The following SETBP1 variants were observed in gnomAD, a reference collection of about 807,000 sequenced individuals.
The protein encoded by SETBP1 is SET binding protein 1, also known as SET-binding protein.
In SETBP1, 9 loss-of-function variants were observed where a neutral mutation model predicts 101.0. The ratio of observed to expected loss-of-function variants is 0.09; its 90% confidence interval spans 0.05 to 0.16. SETBP1 has a LOEUF of 0.16. SETBP1 is among the 10% of genes least tolerant of loss of function. The pLI is 1.00. For synonymous variants in SETBP1, 818 were observed against 788.5 expected (o/e 1.04, Z -0.63); for missense variants, 1,858 against 2,033.8 (o/e 0.91, Z 1.66).
chr18:44,812,414 A>T (rs1271140050), intron 2 of SETBP1, among the ~76,000 whole-genome samples: 1 of 152,222 alleles, frequency 6.6e-6, no homozygotes, highest in Non-Finnish European at 1.5e-5. Context: ...TCCTCTAGAA[A>T]ATAGTGTCAG....
intron 2 of SETBP1, among the ~76,000 whole-genome samples, chr18:44,785,156 C>G (rs757799542): frequency 6.6e-6 from 1 of 152,138 alleles, no homozygotes. Context: ...AAATACACAT[C>G]ATGTACACAC....
intron 2 of SETBP1, among the ~76,000 whole-genome samples, chr18:44,796,617 G>C (rs1024960517): frequency 6.6e-6 from 1 of 152,166 alleles, no homozygotes; most frequent in African/African-American, 2.4e-5. Context: ...ATAGTCTGAG[G>C]CCCAGGGAGT....
At chr18:44,692,518 C>G (rs2068951073) in intron 1 of SETBP1, among the ~76,000 whole-genome samples, 1 of 152,190 alleles carries the variant, frequency 6.6e-6, no homozygotes. Flanking sequence ...ATGCTTCCAG[C>G]TGTGCAGAGA....
intron 5 of SETBP1, among the ~76,000 whole-genome samples, chr18:45,059,987 G>A (rs993152809): frequency 1.3e-5 from 2 of 152,258 alleles, no homozygotes; most frequent in East Asian, 3.9e-4. Context: ...AGTTCAAGAT[G>A]TACGTGTGTT....
At chr18:45,039,072 G>A (rs2073457607) in intron 5 of SETBP1, among the ~76,000 whole-genome samples, 1 of 152,122 alleles carries the variant, frequency 6.6e-6, no homozygotes, top group South Asian at 2.1e-4. Context: ...CCTGCCCCAA[G>A]AACCTGTGGA....
intron 4 of SETBP1, among the ~76,000 whole-genome samples, chr18:44,983,506 T>C (rs527971198): frequency 6.6e-6 from 1 of 152,270 alleles, no homozygotes; most frequent in African/African-American, 2.4e-5. Context: ...GAGCCAAGAT[T>C]TGCCCCAAGC....
At chr18:44,783,628 T>C (rs2071180458) in intron 2 of SETBP1, among the ~76,000 whole-genome samples, 1 of 152,174 alleles carries the variant, frequency 6.6e-6, no homozygotes, top group Non-Finnish European at 1.5e-5. Context: ...GGTAATGATA[T>C]TTGTTTTGTG....
intron 1 of SETBP1, among the ~76,000 whole-genome samples, chr18:44,695,836 A>T: frequency 6.6e-6 from 1 of 151,624 alleles, no homozygotes; most frequent in East Asian, 1.9e-4. Flanking sequence ...ATAATAAGCT[A>T]GTGAAGTAGG....
intron 2 of SETBP1, among the ~76,000 whole-genome samples, chr18:44,782,110 C>T (rs1021506821): frequency 2.0e-5 from 3 of 152,082 alleles, no homozygotes; most frequent in Non-Finnish European, 2.9e-5. Context: ...TCAACCAGAA[C>T]ATCAGAAGCC....
At chr18:44,870,201 G>A (rs1489059658) in intron 3 of SETBP1, 1 of 152,234 alleles carries the variant, frequency 6.6e-6, no homozygotes, top group East Asian at 1.9e-4. Context: ...GGAATTTCAT[G>A]TATTTGGGCA....
At chr18:44,723,005 A>G (rs1349146885) in intron 2 of SETBP1, among the ~76,000 whole-genome samples, 1 of 152,198 alleles carries the variant, frequency 6.6e-6, no homozygotes, top group Non-Finnish European at 1.5e-5. Context: ...TTGGTAATTT[A>G]ACCCATTTAG....
At chr18:45,050,752 A>C (rs1218894391) in intron 5 of SETBP1, among the ~76,000 whole-genome samples, 1 of 152,180 alleles carries the variant, frequency 6.6e-6, no homozygotes, top group African/African-American at 2.4e-5. Context: ...CAGGACTCAG[A>C]ACAAAAGAGA....
chr18:44,874,814 A>C (rs2069359632), intron 3 of SETBP1, among the ~76,000 whole-genome samples: 1 of 152,216 alleles, frequency 6.6e-6, no homozygotes, highest in South Asian at 2.1e-4. Context: ...GGGTTCCATG[A>C]GTCCTCAACC....
At chr18:44,712,380 A>G (rs990338922) in intron 2 of SETBP1, among the ~76,000 whole-genome samples, 6 of 152,226 alleles carry the variant, frequency 3.9e-5, no homozygotes, top group Non-Finnish European at 8.8e-5. Context: ...GAGTGTGGAC[A>G]GCCTTTTATG....
At chr18:45,025,203 T>C (rs2073141050) in intron 4 of SETBP1, among the ~76,000 whole-genome samples, 1 of 152,238 alleles carries the variant, frequency 6.6e-6, no homozygotes. Flanking sequence ...CTTGGCTTTC[T>C]CCTGCCCCTT....
At chr18:44,783,764 A>T (rs1599121402) in intron 2 of SETBP1, among the ~76,000 whole-genome samples, 1 of 152,170 alleles carries the variant, frequency 6.6e-6, no homozygotes, top group East Asian at 1.9e-4. Context: ...AGGCCTGGAG[A>T]GTTAACTTGA....
At chr18:44,860,236 G>C (rs1447274928) in intron 2 of SETBP1, among the ~76,000 whole-genome samples, 1 of 152,178 alleles carries the variant, frequency 6.6e-6, no homozygotes, top group Non-Finnish European at 1.5e-5. Context: ...TATGTTCAAG[G>C]AGGGAATCCT....
chr18:44,796,201 C>T (rs1321939403), intron 2 of SETBP1, among the ~76,000 whole-genome samples: 1 of 152,170 alleles, frequency 6.6e-6, no homozygotes. Context: ...ATTTATTTAT[C>T]GGGTATTTGC....
intron 2 of SETBP1, among the ~76,000 whole-genome samples, chr18:44,823,570 C>A (rs535140366): frequency 6.6e-6 from 1 of 152,306 alleles, no homozygotes; most frequent in African/African-American, 2.4e-5. Context: ...CTTAGGGACT[C>A]CCACATACCG....
Sources: gnomAD v4.1 joint callset for allele counts (sites outside exome capture counted in the v4.1 genomes callset) on GRCh38, gnomAD v4.1.1 for gene constraint, MANE v1.5 for transcripts, NCBI Gene and HGNC (gene_info 2026-07-23, HGNC 2026-07-21) for gene names.